The following PUM2 variants were observed in gnomAD, a reference collection of about 807,000 sequenced individuals.
PUM2 encodes the protein pumilio homolog 2.
PUM2 carries 57 observed loss-of-function variants against 124.5 expected under a neutral mutation model. That is an observed-to-expected ratio of 0.46 (90% CI 0.37 to 0.57). The LOEUF (loss-of-function observed/expected upper bound fraction) is 0.57, where lower values mean the gene tolerates loss of function less well. Ranked by LOEUF, PUM2 falls within the 20% of genes least tolerant of loss-of-function variation. The probability of loss-of-function intolerance (pLI) is 0.00; values close to 1 mark genes in which losing one functional copy is unlikely to be tolerated. For missense variants in PUM2, 1,065 were observed against 1,290.6 expected (o/e 0.83, Z 2.68); for synonymous variants, 460 against 446.1 (o/e 1.03, Z -0.39).
intron 9 of PUM2, among the ~76,000 whole-genome samples, chr2:20,293,343 T>C (rs895477126): frequency 6.6e-6 from 1 of 152,228 alleles, no homozygotes. Flanking sequence ...CAAAATAATT[T>C]ATTAAACAAT....
chr2:20,300,897 A>G (rs892044607), intron 7 of PUM2, among the ~76,000 whole-genome samples: 3 of 152,204 alleles, frequency 2.0e-5, no homozygotes, highest in African/African-American at 7.2e-5. Flanking sequence ...CTCACATGAG[A>G]AAAAAGCGTA....
intron 9 of PUM2, among the ~76,000 whole-genome samples, chr2:20,291,291 C>T (rs772660926): frequency 6.6e-6 from 1 of 152,160 alleles, no homozygotes; most frequent in South Asian, 2.1e-4. Flanking sequence ...AGGACAACAT[C>T]GAAGAAACTT....
Position 20,253,823 on chromosome 2 carries a change from T to A in PUM2, c.3062A>T (p.Lys1021Met). ...TCTGAGTGTTACATGCTGTATTACC[T>A]TGTGCATGATTATCTTTCTCTGAGC... ...EPAQRKIIMH[K>M]IRPHITTLRK... Residue 1021 changes from lysine to methionine, a missense_variant and splice_region_variant, in exon 20 of 21, where the codon AAG (lysine) becomes ATG (methionine). Coordinates refer to ENST00000361078, the MANE Select transcript of PUM2 (RefSeq NM_015317.5). The A allele has an allele frequency of 6.2e-7, 1 of 1,609,722 alleles. No individual in the cohort carries two copies. The highest frequency in any genetic ancestry group is 8.5e-7 in the Non-Finnish European group (1 of 1,176,450).
upstream of PUM2, chr2:20,350,858 C>T: frequency 1.1e-6 from 1 of 944,582 alleles, no homozygotes; most frequent in Non-Finnish European, 1.3e-6. Context: ...CCCCGCCCAC[C>T]GGGCGCGCGC....
chr2:20,327,236 T>C (rs1683897013), intron 2 of PUM2, 74 bp downstream of exon 2: 4 of 1,088,828 alleles, frequency 3.7e-6, no homozygotes, highest in Non-Finnish European at 2.8e-6. Flanking sequence ...AGGGAGATGG[T>C]TAAAAAAAAA....
chr2:20,263,184 A>G lies in PUM2; in HGVS notation c.2225+9T>C. 1 of 1,576,578 alleles carries G rather than the reference A, an allele frequency of 6.3e-7. No individual in the cohort carries two copies. The highest frequency in any genetic ancestry group is 8.7e-7 in the Non-Finnish European group (1 of 1,148,342). ...CAAAAATGAAGTGAGAAATATCATA[A>G]TCACCTACCTAGAACCATGCTGGTC... On this transcript the variant is annotated intron_variant, in intron 14 of 20. Transcript: ENST00000361078.
chr2:20,338,253 C>T (rs1025290081), intron 1 of PUM2, among the ~76,000 whole-genome samples: 4 of 152,038 alleles, frequency 2.6e-5, no homozygotes, highest in Non-Finnish European at 4.4e-5. Context: ...AAAAATTAGC[C>T]GGGTATGGCA....
intron 1 of PUM2, among the ~76,000 whole-genome samples, chr2:20,338,945 T>C (rs546525513): frequency 2.0e-5 from 3 of 152,302 alleles, no homozygotes; most frequent in South Asian, 2.1e-4. Context: ...CACACACTAG[T>C]TGTATCTTTA....
intron 1 of PUM2, among the ~76,000 whole-genome samples, chr2:20,342,498 C>G (rs1687421499): frequency 6.6e-6 from 1 of 152,114 alleles, no homozygotes; most frequent in African/African-American, 2.4e-5. Flanking sequence ...TAAATGTTAA[C>G]ACAAATACAT....
Position 20,251,440 on chromosome 2 carries a change from T to A in PUM2, c.*145A>T. ...AAATATACACAAGAACCTTAAAAAA[T>A]TTACAAATGGATGAATAAAGTCAAT... On this transcript the variant is annotated 3_prime_UTR_variant, in exon 21 of 21. Coordinates refer to ENST00000361078, the MANE Select transcript of PUM2 (RefSeq NM_015317.5). 9.5e-7 allele frequency: 1 copy of A among 1,053,318 alleles called. No individual in the cohort carries two copies. The highest frequency in any genetic ancestry group is 1.8e-5 in the South Asian group (1 of 56,158). The allele number at this position is 1,053,318 out of a possible 1,614,324, so 65.2% of individuals were successfully genotyped here.
At chr2:20,267,939 A>G (rs1668089157) in intron 13 of PUM2, among the ~76,000 whole-genome samples, 1 of 152,230 alleles carries the variant, frequency 6.6e-6, no homozygotes. Flanking sequence ...TATGGATACG[A>G]AAGGCAAGAC....
intron 1 of PUM2, among the ~76,000 whole-genome samples, chr2:20,334,422 A>T (rs1247963882): frequency 6.6e-6 from 1 of 152,212 alleles, no homozygotes; most frequent in African/African-American, 2.4e-5. Context: ...GAGATACAAT[A>T]AATGGTATTA....
intron 13 of PUM2, among the ~76,000 whole-genome samples, chr2:20,275,361 AT>A (rs1463505604): frequency 6.6e-6 from 1 of 152,054 alleles, no homozygotes; most frequent in Admixed American, 6.6e-5. Flanking sequence ...TAGGGCATCA[AT>A]ATTATTCTGA....
At position 20,350,796 on chromosome 2, in the gene PUM2, A is replaced by C; in HGVS notation, c.-218T>G. 2 of 970,860 alleles carry C rather than the reference A, an allele frequency of 2.1e-6. No individual in the cohort carries two copies. Among genetic ancestry groups the C allele is most frequent in the Non-Finnish European group, 2.4e-6 (2 of 823,946 alleles). The allele number at this position is 970,860 out of a possible 1,614,324, so 60.1% of individuals were successfully genotyped here. A position where few individuals can be genotyped will look rare whatever the true frequency, so the allele number is the denominator to read the frequency against. ...GAACCACCGAAGTACCGAGGGTGAGACACAGAGACTCACAACAACATGGCT... is the reference window on the plus strand; with the variant it reads ...GAACCACCGAAGTACCGAGGGTGAGCCACAGAGACTCACAACAACATGGCT... On this transcript the variant is annotated 5_prime_UTR_variant, in exon 1 of 21. Coordinates refer to ENST00000361078, the MANE Select transcript of PUM2 (RefSeq NM_015317.5).
intron 2 of PUM2, among the ~76,000 whole-genome samples, chr2:20,324,270 C>G (rs981984585): frequency 2.0e-5 from 3 of 152,156 alleles, no homozygotes; most frequent in Admixed American, 2.0e-4. Flanking sequence ...CTCCTTCCTC[C>G]CCTACCTAGT....
At chr2:20,312,513 G>T in intron 3 of PUM2, 90 bp from the exon 4 acceptor site, 1 of 1,194,172 alleles carries the variant, frequency 8.4e-7, no homozygotes, top group Non-Finnish European at 1.2e-6. Context: ...AGAAAAATCA[G>T]CACATTGTTT....
At chr2:20,262,180 GTTTAT>G (rs1346699948) in intron 14 of PUM2, among the ~76,000 whole-genome samples, 1 of 152,218 alleles carries the variant, frequency 6.6e-6, no homozygotes, top group Non-Finnish European at 1.5e-5. Flanking sequence ...AGTGTACAGT[GTTTAT>G]AAAGTCTAGA....
rs750308253 is a variant in PUM2, at chr2:20,278,782, C to T, written c.1758G>A (p.Glu586=). 3 of 1,613,250 alleles carry T rather than the reference C, an allele frequency of 1.9e-6. No homozygotes were observed. The highest frequency in any genetic ancestry group is 2.7e-5 in the African/African-American group (2 of 74,782). ...SSASSSATRR[E]SLSTSSDLYK... is the part of the protein sequence containing the mutation. ...ACAAGTCAGAGCTAGTAGATAGAGA[C>T]TCTCTCCTTGTGGCACTACTACTTG... Residue 586 remains glutamate (E), a synonymous_variant, in exon 13 of 21, where the codon GAG becomes GAA. Transcript: ENST00000361078.
intron 1 of PUM2, among the ~76,000 whole-genome samples, chr2:20,337,845 A>G (rs190428586): frequency 2.0e-5 from 3 of 152,294 alleles, no homozygotes; most frequent in African/African-American, 4.8e-5. Context: ...CCCAAAGAGA[A>G]TAACAACAGA....
Sources: allele counts gnomAD v4.1 joint callset (sites outside exome capture counted in the v4.1 genomes callset), GRCh38; gene constraint gnomAD v4.1.1; transcripts MANE v1.5; gene names NCBI Gene and HGNC (gene_info 2026-07-23, HGNC 2026-07-21).